Variants in ACOXL observed in about 807,000 individuals in gnomAD.
ACOXL encodes acyl-CoA oxidase like.
ACOXL carries 70 observed loss-of-function variants against 71.9 expected under a neutral mutation model. The ratio of observed to expected loss-of-function variants is 0.97; its 90% CI spans 0.80 to 1.19. The LOEUF (loss-of-function observed/expected upper bound fraction) is 1.19, where lower values mean the gene tolerates loss of function less well. Among genes scored for constraint, ACOXL ranks in the 50% most tolerant of loss-of-function variants. The pLI is 0.00. For synonymous variants in ACOXL, 253 were observed against 281.6 expected (o/e 0.90, Z 1.02); for missense variants, 703 against 736.3 (o/e 0.95, Z 0.52).
At position 110,968,536 on chromosome 2, in the gene ACOXL, A is replaced by G. The variant is rs2062033760; in HGVS notation, c.1060-18572A>G. ...CACAAAGAACAGCGTAACTCCAGAC[A>G]TGACGGAGGAGATGTATAAGAAAGC... On this transcript the variant is annotated intron_variant, in intron 12 of 17. Transcript: ENST00000439055. 4.3e-6 allele frequency: 5 copies of G among 1,156,882 alleles called. No individual in the cohort carries two copies. The South Asian group carries it at 5.1e-5, about 12-fold the overall frequency. 71.7% of individuals were successfully genotyped at this position (1,156,882 alleles called of 1,614,324 possible). A position where few individuals can be genotyped will look rare whatever the true frequency, so the allele number is the denominator to read the frequency against.
chr2:110,841,248 TTAGCTGTAGGGCATTTTAGA>T, intron 9 of ACOXL, 103 bp from the exon 10 acceptor site: 1 of 664,418 alleles, frequency 1.5e-6, no homozygotes, highest in Non-Finnish European at 2.6e-6. Flanking sequence ...TTTTGAAGCA[TTAGCTGTAGGGCATTTTAGA>T]AAATCTTTAA....
intron 11 of ACOXL, among the ~76,000 whole-genome samples, chr2:110,917,284 C>A (rs1199194699): frequency 2.0e-5 from 3 of 152,174 alleles, no homozygotes; most frequent in Non-Finnish European, 4.4e-5. Context: ...ATCACATAAA[C>A]CGAACCAATG....
At chr2:111,015,421 C>T (rs575668208) in intron 14 of ACOXL, among the ~76,000 whole-genome samples, 222 of 152,216 alleles carry the variant, frequency 1.5e-3, no homozygotes, top group Non-Finnish European at 2.7e-3. Flanking sequence ...AGTGAAACAC[C>T]ACGACACACC....
intron 12 of ACOXL, chr2:110,967,839 G>A (rs757133335): frequency 1.2e-5 from 14 of 1,205,394 alleles, no homozygotes; most frequent in African/African-American, 6.2e-5. Context: ...GCAGGATGGG[G>A]TTTGTTAAAG....
chr2:110,825,855 C>G (rs1689105470), intron 9 of ACOXL, among the ~76,000 whole-genome samples: 1 of 152,094 alleles, frequency 6.6e-6, no homozygotes, highest in Non-Finnish European at 1.5e-5. Context: ...TTGGGAGTAG[C>G]ATGGTTTCTT....
chr2:110,976,292 T>C (rs769486015), intron 12 of ACOXL, among the ~76,000 whole-genome samples: 1 of 152,330 alleles, frequency 6.6e-6, no homozygotes, highest in Non-Finnish European at 1.5e-5. Flanking sequence ...AACTTCAGAC[T>C]CTGGGGTGGG....
chr2:111,001,655 T>C (rs1558851878), intron 14 of ACOXL, among the ~76,000 whole-genome samples: 1 of 152,198 alleles, frequency 6.6e-6, no homozygotes, highest in Non-Finnish European at 1.5e-5. Flanking sequence ...AGAGTGTATA[T>C]AACAGTTATC....
At chr2:110,945,914 T>C (rs1344610828) in intron 12 of ACOXL, among the ~76,000 whole-genome samples, 1 of 152,194 alleles carries the variant, frequency 6.6e-6, no homozygotes. Flanking sequence ...AGGAATAGCG[T>C]TGAATCTGTA....
intron 9 of ACOXL, among the ~76,000 whole-genome samples, chr2:110,819,207 G>C (rs1056352680): frequency 1.7e-4 from 26 of 152,344 alleles, no homozygotes; most frequent in African/African-American, 5.0e-4. Context: ...AAGCAGCTGG[G>C]AAGGTGGTTT....
At chr2:110,890,219 G>A (rs553127870) in intron 10 of ACOXL, among the ~76,000 whole-genome samples, 2 of 152,232 alleles carry the variant, frequency 1.3e-5, no homozygotes, top group South Asian at 2.1e-4. Flanking sequence ...CATGATGAGA[G>A]ATATGATTTG....
At chr2:110,771,771 C>T (rs1275547420) in intron 2 of ACOXL, among the ~76,000 whole-genome samples, 1 of 152,224 alleles carries the variant, frequency 6.6e-6, no homozygotes, top group Admixed American at 6.5e-5. Flanking sequence ...CTTTGTGCAC[C>T]TCAGCCAAGA....
At chr2:110,829,263 C>T (rs1689538048) in intron 9 of ACOXL, among the ~76,000 whole-genome samples, 1 of 152,170 alleles carries the variant, frequency 6.6e-6, no homozygotes, top group African/African-American at 2.4e-5. Flanking sequence ...ACCCCATCCC[C>T]ACCCCAGTTT....
intron 12 of ACOXL, among the ~76,000 whole-genome samples, chr2:110,975,258 A>G (rs1194488260): frequency 6.6e-6 from 1 of 152,242 alleles, no homozygotes; most frequent in Non-Finnish European, 1.5e-5. Context: ...TTTATTTTCA[A>G]CTTTTACAGT....
chr2:110,941,886 G>A (rs898886197), intron 12 of ACOXL, among the ~76,000 whole-genome samples: 1 of 152,122 alleles, frequency 6.6e-6, no homozygotes, highest in Admixed American at 6.5e-5. Flanking sequence ...GGCATGAAAA[G>A]CACCAAAAGT....
At chr2:110,902,625 CTCTCACACAT>C (rs1318900297) in intron 10 of ACOXL, among the ~76,000 whole-genome samples, 1 of 152,216 alleles carries the variant, frequency 6.6e-6, no homozygotes, top group Non-Finnish European at 1.5e-5. Flanking sequence ...GGGTGTCTGA[CTCTCACACAT>C]TCTTACTGAT....
intron 10 of ACOXL, among the ~76,000 whole-genome samples, chr2:110,897,440 C>T (rs1278982196): frequency 1.3e-5 from 2 of 152,160 alleles, no homozygotes; most frequent in African/African-American, 2.4e-5. Context: ...AAGGGCCCTC[C>T]TGCTATGTCC....
At chr2:110,922,442 G>A (rs898534482) in intron 11 of ACOXL, among the ~76,000 whole-genome samples, 1 of 152,044 alleles carries the variant, frequency 6.6e-6, no homozygotes, top group Non-Finnish European at 1.5e-5. Flanking sequence ...CTGTTACAGA[G>A]GCAAGACTGT....
rs372507126 is a variant in ACOXL at position 110,908,795 on chromosome 2, G to A, written c.795G>A (p.Arg265=). 12 of 1,613,786 alleles carry A rather than the reference G, an allele frequency of 7.4e-6. No individual in the cohort carries two copies. The highest frequency in any genetic ancestry group is 8.5e-6 in the Non-Finnish European group (10 of 1,179,762). Residue 265 remains arginine (R), a synonymous_variant, in exon 11 of 18, where the codon AGG becomes AGA. Coordinates refer to ENST00000439055, the MANE Select transcript of ACOXL (RefSeq NM_001142807.4). The stretch of plus-strand genomic sequence containing the variant: ...GTCTGTTGATTCCCTCTAGCCGGAG[G>A]CAGTTTGGGCCCAAAACCAAGGAAG... ...TIAIRYSHSR[R]QFGPKTKEEV... is the part of the protein sequence containing the mutation.
chr2:110,871,804 A>T (rs1369037897), intron 10 of ACOXL, among the ~76,000 whole-genome samples: 1 of 151,838 alleles, frequency 6.6e-6, no homozygotes, highest in Non-Finnish European at 1.5e-5. Flanking sequence ...GGAGACCAAC[A>T]CTCATAGTGA....
Sources: allele counts gnomAD v4.1 joint callset (sites outside exome capture counted in the v4.1 genomes callset), GRCh38; gene constraint gnomAD v4.1.1; transcripts MANE v1.5; gene names NCBI Gene and HGNC (gene_info 2026-07-23, HGNC 2026-07-21).